The following SOX5 variants were observed in gnomAD, a reference collection of about 807,000 sequenced individuals.
SOX5 encodes transcription factor SOX-5.
SOX5 carries 9 observed loss-of-function variants against 92.0 expected under a neutral mutation model. That is an observed-to-expected ratio of 0.10 (90% CI 0.06 to 0.17). The LOEUF is 0.17. Among genes scored for constraint, SOX5 ranks in the 10% least tolerant of loss-of-function variants. The pLI is 1.00. For missense variants in SOX5, 642 were observed against 944.5 expected, an observed-to-expected ratio of 0.68 and a Z score of 4.20; for synonymous variants, 344 against 336.3, an observed-to-expected ratio of 1.02 and a Z score of -0.25.
chr12:24,429,248 C>T (rs761599891), intron 1 of SOX5, among the ~76,000 whole-genome samples: 6 of 151,848 alleles, frequency 4.0e-5, no homozygotes, highest in Admixed American at 1.3e-4. Flanking sequence ...ACCTGGGAGG[C>T]GGAGCTTGCA....
At chr12:24,226,140 G>A (rs550974901) in intron 3 of SOX5, among the ~76,000 whole-genome samples, 3 of 151,792 alleles carry the variant, frequency 2.0e-5, no homozygotes, top group South Asian at 2.1e-4. Context: ...TCTCATCTTC[G>A]ATCAAAATTT....
At chr12:24,401,096 GT>G (rs552925950) in intron 1 of SOX5, among the ~76,000 whole-genome samples, 44 of 152,290 alleles carry the variant, frequency 2.9e-4, no homozygotes, top group Admixed American at 7.8e-4. Flanking sequence ...GCTCATGCTT[GT>G]AATCCCAGCA....
intron 3 of SOX5, among the ~76,000 whole-genome samples, chr12:23,828,316 C>T (rs1321121759): frequency 6.6e-6 from 1 of 152,116 alleles, no homozygotes; most frequent in Non-Finnish European, 1.5e-5. Context: ...TGATGCATGA[C>T]TGTGTGTGTA....
At chr12:23,791,393 T>C (rs1418667254) in intron 3 of SOX5, among the ~76,000 whole-genome samples, 1 of 152,176 alleles carries the variant, frequency 6.6e-6, no homozygotes, top group East Asian at 1.9e-4. Context: ...CCTCAAATTG[T>C]AGGGCTCAAG....
intron 4 of SOX5, among the ~76,000 whole-genome samples, chr12:23,957,767 C>T (rs542088861): frequency 6.6e-6 from 1 of 152,148 alleles, no homozygotes; most frequent in South Asian, 2.1e-4. Flanking sequence ...ATAATATACG[C>T]ATTACCAAAT....
At chr12:23,633,284 G>C (rs191201233) in intron 8 of SOX5, among the ~76,000 whole-genome samples, 85 of 152,128 alleles carry the variant, frequency 5.6e-4, no homozygotes, top group African/African-American at 2.0e-3. Flanking sequence ...TATTCATGAT[G>C]CCCATTAAGT....
intron 4 of SOX5, among the ~76,000 whole-genome samples, chr12:24,104,720 A>G (rs901409726): frequency 6.6e-6 from 1 of 152,230 alleles, no homozygotes; most frequent in Non-Finnish European, 1.5e-5. Flanking sequence ...CCCTTTTCAG[A>G]AATGTCTCTG....
intron 1 of SOX5, among the ~76,000 whole-genome samples, chr12:24,454,288 T>A: frequency 6.6e-6 from 1 of 152,180 alleles, no homozygotes; most frequent in East Asian, 1.9e-4. Context: ...AGCATCACAA[T>A]CCCACTTAAG....
At chr12:23,680,633 T>C (rs962428229) in intron 6 of SOX5, among the ~76,000 whole-genome samples, 4 of 151,886 alleles carry the variant, frequency 2.6e-5, no homozygotes, top group African/African-American at 9.7e-5. Context: ...ATTTGAAAGA[T>C]ATAGGCCCAT....
intron 8 of SOX5, among the ~76,000 whole-genome samples, chr12:23,625,614 G>GT (rs1430013354): frequency 6.6e-6 from 1 of 152,044 alleles, no homozygotes; most frequent in East Asian, 1.9e-4. Flanking sequence ...ATTTGTTTTT[G>GT]TTTTTTGTTG....
At chr12:24,095,687 G>A (rs780676829) in intron 4 of SOX5, among the ~76,000 whole-genome samples, 4 of 152,026 alleles carry the variant, frequency 2.6e-5, no homozygotes, top group African/African-American at 7.2e-5. Context: ...CAGAATCCCC[G>A]CGTGTCAAAG....
intron 12 of SOX5, 36 bp downstream of exon 12, chr12:23,546,280 G>T: frequency 2.5e-6 from 3 of 1,192,428 alleles, no homozygotes; most frequent in African/African-American, 1.5e-5. Flanking sequence ...ACACTTTCTT[G>T]CATTATTAGA....
chr12:24,407,415 T>C (rs893360103), intron 1 of SOX5: 3 of 152,206 alleles, frequency 2.0e-5, no homozygotes, highest in African/African-American at 7.2e-5. Context: ...CCGAACAGCA[T>C]TTAATTTCAG....
intron 3 of SOX5, among the ~76,000 whole-genome samples, chr12:23,807,235 T>G (rs1277542116): frequency 6.6e-6 from 1 of 152,232 alleles, no homozygotes. Flanking sequence ...TAGAGTGTTA[T>G]GGTTCGATCT....
intron 10 of SOX5, among the ~76,000 whole-genome samples, chr12:23,571,358 T>A (rs1301180994): frequency 6.6e-6 from 1 of 152,136 alleles, no homozygotes; most frequent in African/African-American, 2.4e-5. Context: ...TTAGTTTTCA[T>A]GCGTTAATGC....
chr12:23,568,416 C>T (rs1206328028), intron 10 of SOX5, among the ~76,000 whole-genome samples: 2 of 152,100 alleles, frequency 1.3e-5, no homozygotes, highest in Admixed American at 6.5e-5. Flanking sequence ...AATATGCCAC[C>T]CTTGGTCTTT....
intron 2 of SOX5, among the ~76,000 whole-genome samples, chr12:23,887,361 A>T (rs2097079211): frequency 6.6e-6 from 1 of 152,240 alleles, no homozygotes; most frequent in African/African-American, 2.4e-5. Context: ...AAAGAGAAGC[A>T]AAGGATGAAA....
intron 1 of SOX5, among the ~76,000 whole-genome samples, chr12:24,469,319 C>A (rs149573124): frequency 6.6e-6 from 1 of 152,270 alleles, no homozygotes; most frequent in Non-Finnish European, 1.5e-5. Context: ...CCTCCTGCTG[C>A]GTGGCCAAGT....
At chr12:23,768,370 C>T (rs182281555) in intron 3 of SOX5, among the ~76,000 whole-genome samples, 137 of 152,120 alleles carry the variant, frequency 9.0e-4, no homozygotes, top group African/African-American at 3.2e-3. Context: ...TATAAAAAAA[C>T]ACCCAGGAAC....
Sources: gnomAD v4.1 joint callset for allele counts (sites outside exome capture counted in the v4.1 genomes callset) on GRCh38, gnomAD v4.1.1 for gene constraint, MANE v1.5 for transcripts, NCBI Gene and HGNC (gene_info 2026-07-23, HGNC 2026-07-21) for gene names.